SAE1: variants seen among roughly 807,000 people sequenced by gnomAD.
SAE1 encodes the protein SUMO-activating enzyme subunit 1.
In SAE1, 11 loss-of-function variants were observed where a neutral mutation model predicts 40.6. The observed-to-expected ratio is 0.27, with a 90% CI of 0.17 to 0.45. SAE1 has a LOEUF of 0.45. SAE1 is among the 20% of genes least tolerant of loss of function. The pLI is 1.00. For synonymous variants in SAE1, 155 were observed against 154.3 expected (o/e 1.00, Z -0.03); for missense variants, 373 against 427.3 (o/e 0.87, Z 1.12).
intron 5 of SAE1, among the ~76,000 whole-genome samples, chr19:47,165,217 G>T (rs2058385409): frequency 6.8e-6 from 1 of 147,826 alleles, no homozygotes; most frequent in South Asian, 2.1e-4. Flanking sequence ...AGCCTCCCAA[G>T]TAGCTGGGAT....
intron 6 of SAE1, among the ~76,000 whole-genome samples, chr19:47,171,592 C>T (rs1189537959): frequency 6.6e-6 from 1 of 152,148 alleles, no homozygotes; most frequent in Non-Finnish European, 1.5e-5. Context: ...GCTGGGATCA[C>T]AGGCACCTGC....
chr19:47,147,282 C>T (rs113647550), intron 2 of SAE1, among the ~76,000 whole-genome samples: 2 of 128,570 alleles, frequency 1.6e-5, no homozygotes, highest in Non-Finnish European at 1.6e-5. Context: ...TCATGGCTCA[C>T]TGTAGCCTTA....
chr19:47,165,727 G>A (rs561698248), intron 5 of SAE1, among the ~76,000 whole-genome samples: 36 of 152,298 alleles, frequency 2.4e-4, no homozygotes, highest in African/African-American at 7.9e-4. Flanking sequence ...AGGCAGCTTG[G>A]TTAAGTTTTG....
At chr19:47,182,505 GCA>G (rs1315856690) in intron 6 of SAE1, among the ~76,000 whole-genome samples, 5 of 147,932 alleles carry the variant, frequency 3.4e-5, no homozygotes, top group South Asian at 2.1e-4. Context: ...GTGCGCGCAC[GCA>G]CGCGCGCGCG....
chr19:47,167,100 T>C (rs984200262), intron 5 of SAE1, among the ~76,000 whole-genome samples: 2 of 151,912 alleles, frequency 1.3e-5, no homozygotes, highest in Admixed American at 6.6e-5. Flanking sequence ...TACAGGTGCC[T>C]GCCACCACAC....
Position 47,169,930 on chromosome 19 carries a change from T to C in SAE1, c.733+7T>C. 6.2e-7 allele frequency: 1 copy of C among 1,606,864 alleles called. No homozygotes were observed. Among genetic ancestry groups the C allele is most frequent in the South Asian group, 1.1e-5 (1 of 90,942 alleles). Reference sequence around the variant, plus strand: ...GACTACTTTCTCCTTCAAGGTGAGGTCTCAAAGCACAACTTACCCCGGGAG... The same window carrying C: ...GACTACTTTCTCCTTCAAGGTGAGGCCTCAAAGCACAACTTACCCCGGGAG... On this transcript the variant is annotated splice_region_variant and intron_variant, in intron 6 of 8. Transcript: ENST00000270225.
rs988718483 is a variant in SAE1 at position 47,171,835 on chromosome 19, C to G, written c.733+1912C>G. On this transcript the variant is annotated intron_variant, in intron 6 of 8. Coordinates refer to ENST00000270225, the MANE Select transcript of SAE1 (RefSeq NM_005500.3). ...CCAGGCTGGTCTTGAACTCCTGACC[C>G]CAGGTGATCTGCCCACCTCAGCCTC... 2.0e-5 allele frequency among the ~76,000 whole-genome samples: 3 copies of G among 147,762 alleles called. No homozygotes were observed. The South Asian group carries it at 6.5e-4, about 32-fold the overall frequency.
intron 5 of SAE1, among the ~76,000 whole-genome samples, chr19:47,159,728 G>C (rs1004769192): frequency 6.6e-6 from 1 of 151,896 alleles, no homozygotes; most frequent in African/African-American, 2.4e-5. Context: ...GAGTCTTGCT[G>C]TGTCACCCAG....
intron 2 of SAE1, among the ~76,000 whole-genome samples, chr19:47,147,964 A>G (rs549738329): frequency 1.3e-5 from 2 of 151,610 alleles, no homozygotes; most frequent in East Asian, 1.9e-4. Context: ...GTTTCACCGT[A>G]TTAGCCAGGA....
intron 1 of SAE1, among the ~76,000 whole-genome samples, chr19:47,134,976 TAGAG>T (rs1395518642): frequency 4.6e-5 from 7 of 152,100 alleles, no homozygotes; most frequent in Non-Finnish European, 7.4e-5. Context: ...TAGACAGTCT[TAGAG>T]AGTTTATTAA....
In SAE1 at chr19:47,154,979, A is replaced by C. The variant is rs1037198489; in HGVS notation, c.528-135A>C. 11 of 651,924 alleles carry C rather than the reference A, an allele frequency of 1.7e-5. No individual in the cohort carries two copies. The African/African-American group carries it at 2.0e-4, about 12-fold the overall frequency. 40.4% of individuals were successfully genotyped at this position (651,924 alleles called of 1,614,324 possible). On this transcript the variant is annotated intron_variant, in intron 4 of 8. Coordinates refer to ENST00000270225, the MANE Select transcript of SAE1 (RefSeq NM_005500.3). ...ATCATGTTATCAATGGCAGAGCTCG[A>C]TTTGAACCGAGATCTGACTCCAAAG... is the stretch of plus-strand genomic sequence containing the variant.
intron 6 of SAE1, among the ~76,000 whole-genome samples, chr19:47,173,680 A>G (rs553995052): frequency 6.6e-6 from 1 of 152,134 alleles, no homozygotes; most frequent in African/African-American, 2.4e-5. Flanking sequence ...ACCCAGCTCT[A>G]ACATCAAAAA....
chr19:47,160,079 C>T (rs1329765481), intron 5 of SAE1, among the ~76,000 whole-genome samples: 3 of 152,074 alleles, frequency 2.0e-5, no homozygotes, highest in South Asian at 2.1e-4. Flanking sequence ...TTAATTCTCA[C>T]GGTTTAGGTT....
At chr19:47,191,914 C>T (rs1054259149) in intron 6 of SAE1, among the ~76,000 whole-genome samples, 4 of 151,786 alleles carry the variant, frequency 2.6e-5, no homozygotes, top group Non-Finnish European at 4.4e-5. Context: ...ATTAGCCGGG[C>T]GTGGTGATGG....
intron 1 of SAE1, among the ~76,000 whole-genome samples, chr19:47,137,876 G>C (rs576160750): frequency 1.3e-5 from 2 of 150,680 alleles, no homozygotes; most frequent in African/African-American, 4.9e-5. Context: ...TTACAGGCGC[G>C]TGCCACCACA....
intron 6 of SAE1, among the ~76,000 whole-genome samples, chr19:47,194,778 T>TAA (rs1299186902): frequency 6.7e-6 from 1 of 149,094 alleles, no homozygotes; most frequent in Non-Finnish European, 1.5e-5. Context: ...GAGATGGAGT[T>TAA]ACGCTCTATC....
At chr19:47,132,263 TG>T (rs2058149235) in intron 1 of SAE1, among the ~76,000 whole-genome samples, 2 of 150,988 alleles carry the variant, frequency 1.3e-5, no homozygotes, top group Non-Finnish European at 3.0e-5. Flanking sequence ...GTGCCCAGCT[TG>T]TTTTTTTTTT....
At chr19:47,205,705 G>A (rs2058683049) in intron 8 of SAE1, among the ~76,000 whole-genome samples, 1 of 152,174 alleles carries the variant, frequency 6.6e-6, no homozygotes, top group Non-Finnish European at 1.5e-5. Context: ...CTTACTGAAA[G>A]CCCACTGTCT....
At chr19:47,183,306 T>C (rs968348955) in intron 6 of SAE1, among the ~76,000 whole-genome samples, 34 of 151,778 alleles carry the variant, frequency 2.2e-4, no homozygotes, top group African/African-American at 8.0e-4. Context: ...CATGAGGAAA[T>C]TGAATCTTGG....
Sources: gnomAD v4.1 joint callset for allele counts (sites outside exome capture counted in the v4.1 genomes callset) on GRCh38, gnomAD v4.1.1 for gene constraint, MANE v1.5 for transcripts, NCBI Gene and HGNC (gene_info 2026-07-23, HGNC 2026-07-21) for gene names.